PCID2: variants seen among roughly 807,000 people sequenced by gnomAD.
The protein encoded by PCID2 is PCI domain-containing protein 2.
A neutral mutation model predicts 61.3 loss-of-function variants in PCID2; 41 were observed. That is an observed-to-expected ratio of 0.67 (90% CI 0.52 to 0.87). The LOEUF (loss-of-function observed/expected upper bound fraction) is 0.87, where lower values mean the gene tolerates loss of function less well. PCID2 is among the 40% of genes least tolerant of loss of function. The probability of loss-of-function intolerance (pLI) is 0.00; values close to 1 mark genes in which losing one functional copy is unlikely to be tolerated. For missense variants in PCID2, 392 were observed against 493.4 expected (o/e 0.79, Z 1.95); for synonymous variants, 187 against 177.8 (o/e 1.05, Z -0.41).
At chr13:113,171,647 G>A in the PCID2 span, 7 of 1,614,148 alleles carry the variant, frequency 4.3e-6, no homozygotes, top group African/African-American at 2.7e-5. This position sits in a 1 kb window ranked among gnomAD's most constrained non-coding sequence, Gnocchi z 5.1. Flanking sequence ...GCACGTCCAT[G>A]TGCACATGCG....
chr13:113,208,102 T>C, intron 1 of PCID2: 1 of 1,611,958 alleles, frequency 6.2e-7, no homozygotes, highest in Non-Finnish European at 8.5e-7. Context: ...TGAAGGGCGT[T>C]AAACGACAGC....
rs1357308466 is a variant in PCID2 at position 113,178,007 on chromosome 13, G to C, written c.*191C>G. 1 of 467,276 alleles carries C rather than the reference G, an allele frequency of 2.1e-6. No homozygotes were observed. The highest frequency in any genetic ancestry group is 3.9e-6 in the Non-Finnish European group (1 of 258,980). 28.9% of individuals were successfully genotyped at this position (467,276 alleles called of 1,614,324 possible). On this transcript the variant is annotated 3_prime_UTR_variant, in exon 14 of 14. Transcript: ENST00000337344. ...AAAAAGGAATTCCAGGTTTTCATCAGGCTGAAATTAGTTACAAATGAAGGA... is the reference window on the plus strand; with the variant it reads ...AAAAAGGAATTCCAGGTTTTCATCACGCTGAAATTAGTTACAAATGAAGGA...
chr13:113,180,088 G>C (rs1311494682), intron 11 of PCID2, 46 bp from the exon 12 acceptor site: 2 of 1,613,566 alleles, frequency 1.2e-6, no homozygotes, highest in Non-Finnish European at 1.7e-6. Context: ...GTTTCTCACA[G>C]AGCGTGCACG....
chr13:113,201,323 G>A (rs1158784479), intron 1 of PCID2, among the ~76,000 whole-genome samples: 1 of 152,052 alleles, frequency 6.6e-6, no homozygotes, highest in African/African-American at 2.4e-5. Context: ...ACTTGATTTG[G>A]GAGAAAAAAG....
rs58283572 is a variant in PCID2, at chr13:113,185,348, T to C, written c.543+137A>G. On this transcript the variant is annotated intron_variant, in intron 8 of 13. Transcript: ENST00000337344. ...ACCTAGTAGGCATTCAACAAATGTT[T>C]GCTATTAGGACTAGGAATACGGTTA... is the stretch of plus-strand genomic sequence containing the variant. 3,887 of 653,464 alleles carry C rather than the reference T, an allele frequency of 5.9e-3. 95 individuals carry two copies. Among genetic ancestry groups the C allele is most frequent in the African/African-American group, 0.059 (3,225 of 55,006 alleles). The allele number at this position is 653,464 out of a possible 1,614,324, so 40.5% of individuals were successfully genotyped here.
At chr13:113,188,256 C>CA (rs2138761238) in intron 7 of PCID2, 1 of 152,402 alleles carries the variant, frequency 6.6e-6, no homozygotes, top group Admixed American at 6.5e-5. Flanking sequence ...GGGAAAGTGC[C>CA]ATGGCATAGG....
At chr13:113,170,512 A>G in the PCID2 span, 1 of 1,582,146 alleles carries the variant, frequency 6.3e-7, no homozygotes, top group Non-Finnish European at 8.7e-7. Flanking sequence ...GTTACACAGG[A>G]ATATTACTGT....
Position 113,197,172 on chromosome 13 carries a change from G to A in PCID2, c.266+6C>T, listed in dbSNP as rs894794720. 8 of 1,614,034 alleles carry A rather than the reference G, an allele frequency of 5.0e-6. No individual in the cohort carries two copies. Among genetic ancestry groups the A allele is most frequent in the African/African-American group, 1.3e-5 (1 of 74,914 alleles). Reference sequence around the variant, plus strand: ...CGGGACAGCTGCCATGAACGACAAAGGATATTGGACTATCACGGTCTGGCA... The same window carrying A: ...CGGGACAGCTGCCATGAACGACAAAAGATATTGGACTATCACGGTCTGGCA... On this transcript the variant is annotated splice_donor_region_variant and intron_variant, in intron 4 of 13. Transcript: ENST00000337344.
chr13:113,200,855 G>A (rs2138921056), intron 1 of PCID2, among the ~76,000 whole-genome samples: 1 of 152,032 alleles, frequency 6.6e-6, no homozygotes, highest in Middle Eastern at 3.4e-3. Context: ...GGCTGAGGAA[G>A]GACTGCTTGA....
the PCID2 span, chr13:113,171,802 C>T: frequency 6.2e-7 from 1 of 1,613,566 alleles, no homozygotes; most frequent in African/African-American, 1.3e-5. The surrounding 1 kb of genome is among the most constrained non-coding windows in gnomAD (Gnocchi z 5.1). Flanking sequence ...GGGGCCTCCT[C>T]AGCGGCTGGG....
intron 1 of PCID2, among the ~76,000 whole-genome samples, chr13:113,207,859 C>T (rs1054008819): frequency 1.3e-4 from 20 of 152,224 alleles, no homozygotes; most frequent in African/African-American, 4.8e-4. Context: ...TTCTTATTCA[C>T]CACGTCTTGG....
At chr13:113,166,645 G>A in the PCID2 span, among the ~76,000 whole-genome samples, 57 of 152,204 alleles carry the variant, frequency 3.7e-4, no homozygotes, top group African/African-American at 1.3e-3. Context: ...GGATGGAAGC[G>A]GGAATGGTCT....
intron 9 of PCID2, chr13:113,183,944 C>G: frequency 2.0e-6 from 2 of 985,340 alleles, no homozygotes; most frequent in South Asian, 9.4e-5. Flanking sequence ...TAAGTCATCT[C>G]CATGCGGGAT....
chr13:113,176,492 T>G (rs9577212), downstream of PCID2, among the ~76,000 whole-genome samples: 1 of 150,204 alleles, frequency 6.7e-6, no homozygotes, highest in African/African-American at 2.4e-5. Flanking sequence ...CCGGGTGTGG[T>G]GGCACATGCC....
downstream of PCID2, among the ~76,000 whole-genome samples, chr13:113,176,849 G>C (rs951101497): frequency 6.6e-6 from 1 of 152,302 alleles, no homozygotes; most frequent in South Asian, 2.1e-4. Context: ...CAACTCAGAA[G>C]AGAGCCCTCC....
At chr13:113,176,935 G>A (rs1033782217), downstream of PCID2, among the ~76,000 whole-genome samples, 4 of 152,196 alleles carry the variant, frequency 2.6e-5, no homozygotes, top group Admixed American at 1.3e-4. Flanking sequence ...ATACATTCCT[G>A]TTGCTTAAGC....
chr13:113,207,385 C>A (rs112467344), intron 1 of PCID2, among the ~76,000 whole-genome samples: 2,809 of 152,206 alleles, frequency 0.018, 80 homozygotes, highest in African/African-American at 0.063. Flanking sequence ...TAAAGATAAT[C>A]GTATCAAATT....
At chr13:113,208,308 C>T in intron 1 of PCID2, 3 of 1,432,026 alleles carry the variant, frequency 2.1e-6, no homozygotes, top group Admixed American at 5.7e-5. Context: ...CCACACGTGC[C>T]AGCAAGTGAG....
intron 6 of PCID2, among the ~76,000 whole-genome samples, chr13:113,192,687 T>C (rs140177166): frequency 5.5e-4 from 84 of 152,244 alleles, no homozygotes; most frequent in African/African-American, 1.4e-3. Flanking sequence ...CCCCTGGAGA[T>C]GTTAAGGAAG....
Sources: gnomAD v4.1 joint callset for allele counts (sites outside exome capture counted in the v4.1 genomes callset) on GRCh38, gnomAD v4.1.1 for gene constraint, Gnocchi (gnomAD v3.1) non-coding constraint, MANE v1.5 for transcripts, NCBI Gene and HGNC (gene_info 2026-07-23, HGNC 2026-07-21) for gene names.